FLNB: variants seen among roughly 807,000 people sequenced by gnomAD.
The protein encoded by FLNB is filamin-B.
A neutral mutation model predicts 250.6 loss-of-function variants in FLNB; 111 were observed. The observed-to-expected ratio is 0.44, with a 90% CI of 0.38 to 0.52. The LOEUF (loss-of-function observed/expected upper bound fraction) is 0.52. Among genes scored for constraint, FLNB ranks in the 20% least tolerant of loss-of-function variants. The pLI, the probability that FLNB is intolerant of heterozygous loss-of-function variation, is 0.00. For missense variants in FLNB, 2,869 were observed against 3,447.8 expected (o/e 0.83, Z 4.20); for synonymous variants, 1,302 against 1,372.1 (o/e 0.95, Z 1.13).
intron 1 of FLNB, among the ~76,000 whole-genome samples, chr3:58,041,016 T>A (rs1447027635): frequency 2.0e-5 from 3 of 152,164 alleles, no homozygotes; most frequent in Admixed American, 6.5e-5. Context: ...GTGTGCTAGG[T>A]GGCTTTTTAT....
Position 58,149,956 on chromosome 3 carries a change from T to C in FLNB, c.6198T>C (p.Pro2066=). Residue 2066 remains proline, a synonymous_variant, in exon 37 of 46, where the codon CCT becomes CCC. Transcript: ENST00000295956. The stretch of plus-strand genomic sequence containing the variant: ...AAGTCTCCTACTTCCCTACCGTGCC[T>C]GGGGTTTATATCGTCTCCACCAAAT... The part of the protein sequence containing the change: ...TCKVSYFPTV[P]GVYIVSTKFA... 1 of 1,614,220 alleles carries C rather than the reference T, an allele frequency of 6.2e-7. No individual in the cohort carries two copies. Among genetic ancestry groups the C allele is most frequent in the East Asian group, 2.2e-5 (1 of 44,880 alleles).
At chr3:58,113,105 G>C (rs556750996) in intron 18 of FLNB, among the ~76,000 whole-genome samples, 1 of 152,158 alleles carries the variant, frequency 6.6e-6, no homozygotes, top group Non-Finnish European at 1.5e-5. Context: ...AGTGTTAAGT[G>C]CATTCATTAT....
At chr3:58,130,285 T>C (rs997811677) in intron 24 of FLNB, among the ~76,000 whole-genome samples, 1 of 152,174 alleles carries the variant, frequency 6.6e-6, no homozygotes, top group African/African-American at 2.4e-5. Context: ...CCCTCGCCTC[T>C]AGGCTCCTGC....
intron 1 of FLNB, among the ~76,000 whole-genome samples, chr3:58,052,304 A>G (rs1263769085): frequency 6.6e-6 from 1 of 152,198 alleles, no homozygotes; most frequent in African/African-American, 2.4e-5. Context: ...TAGTACCACC[A>G]TATGAGGGGA....
intron 19 of FLNB, among the ~76,000 whole-genome samples, chr3:58,119,781 A>G (rs1053730472): frequency 3.3e-5 from 5 of 152,194 alleles, no homozygotes; most frequent in African/African-American, 7.2e-5. Context: ...AAAGTTTTCA[A>G]TTCAGTTTCT....
intron 4 of FLNB, among the ~76,000 whole-genome samples, chr3:58,085,067 A>G (rs2097215323): frequency 6.6e-6 from 1 of 152,198 alleles, no homozygotes; most frequent in Admixed American, 6.5e-5. Flanking sequence ...TTTTGCTTAT[A>G]CATTCGTCTG....
At chr3:58,046,846 G>A (rs1455198398) in intron 1 of FLNB, among the ~76,000 whole-genome samples, 1 of 152,084 alleles carries the variant, frequency 6.6e-6, no homozygotes, top group Non-Finnish European at 1.5e-5. Context: ...CTGTCTCTAT[G>A]GATCTGTCCA....
chr3:58,055,385 G>T (rs1010678144), intron 1 of FLNB, among the ~76,000 whole-genome samples: 6 of 152,174 alleles, frequency 3.9e-5, no homozygotes, highest in Non-Finnish European at 8.8e-5. Flanking sequence ...TGTATTTATG[G>T]CCTAAGAGGA....
At chr3:58,031,890 C>A (rs904575803) in intron 1 of FLNB, among the ~76,000 whole-genome samples, 23 of 151,498 alleles carry the variant, frequency 1.5e-4, no homozygotes, top group Non-Finnish European at 2.1e-4. Context: ...CTAAGCTTGA[C>A]CAGGGGAAGA....
intron 24 of FLNB, among the ~76,000 whole-genome samples, chr3:58,128,792 G>A (rs936007528): frequency 6.6e-6 from 1 of 152,142 alleles, no homozygotes; most frequent in Non-Finnish European, 1.5e-5. Context: ...CCCTGTGGCC[G>A]ACCTGTGAGC....
chr3:58,010,378 T>C (rs1373384667), intron 1 of FLNB, among the ~76,000 whole-genome samples: 1 of 152,176 alleles, frequency 6.6e-6, no homozygotes, highest in Non-Finnish European at 1.5e-5. Context: ...CCCACACCTG[T>C]CCTGGCAGGT....
chr3:58,044,809 C>T (rs2097151238), intron 1 of FLNB, among the ~76,000 whole-genome samples: 1 of 152,170 alleles, frequency 6.6e-6, no homozygotes, highest in African/African-American at 2.4e-5. Context: ...GCCCTTCCTT[C>T]CTGCAGAGGA....
chr3:58,121,105 C>T, intron 19 of FLNB, 136 bp from the exon 20 acceptor site: 1 of 1,075,460 alleles, frequency 9.3e-7, no homozygotes, highest in Non-Finnish European at 1.4e-6. Context: ...TGCTGCTTGT[C>T]CTCTGCAGCA....
chr3:58,146,144 C>T lies in FLNB; in HGVS notation c.5554+95C>T, dbSNP rs139706479. The T allele has an allele frequency of 4.8e-4, 626 of 1,313,204 alleles. 3 individuals carry two copies. Among genetic ancestry groups the T allele is most frequent in the South Asian group, 3.7e-3 (303 of 82,502 alleles). 81.3% of individuals were successfully genotyped at this position (1,313,204 alleles called of 1,614,324 possible). A position where few individuals can be genotyped will look rare whatever the true frequency, so the allele number is the denominator to read the frequency against. On this transcript the variant is annotated intron_variant, in intron 33 of 45. Transcript: ENST00000295956. ...GGGTGGCTTTTAAAAGTGAGACAAT[C>T]GAATGGTAGTATTTGTCTTGTCTTT...
intron 38 of FLNB, among the ~76,000 whole-genome samples, chr3:58,151,860 G>GCCTT (rs1413334561): frequency 6.6e-6 from 1 of 152,204 alleles, no homozygotes; most frequent in Non-Finnish European, 1.5e-5. Flanking sequence ...ATGCTGCCAT[G>GCCTT]CCTTGGCAGA....
chr3:58,048,212 C>T (rs1369343622), intron 1 of FLNB, among the ~76,000 whole-genome samples: 1 of 152,154 alleles, frequency 6.6e-6, no homozygotes, highest in Non-Finnish European at 1.5e-5. Flanking sequence ...CAAGAACAGC[C>T]CCCCTGCCTT....
intron 1 of FLNB, among the ~76,000 whole-genome samples, chr3:58,057,027 T>G (rs2097171665): frequency 6.6e-6 from 1 of 152,228 alleles, no homozygotes. Context: ...TTACCCAGGC[T>G]GGCGTGCAGT....
chr3:58,137,588 A>G (rs2097318607), intron 28 of FLNB, among the ~76,000 whole-genome samples: 1 of 152,144 alleles, frequency 6.6e-6, no homozygotes, highest in Non-Finnish European at 1.5e-5. Context: ...ATATCTACCA[A>G]TGTGCTTTTA....
chr3:58,108,502 C>G lies in FLNB; in HGVS notation c.1986C>G (p.Val662=), dbSNP rs747322935. ...GPGLEKSGCI[V]NNLAEFTVDP... ...GTTTGGAGAAATCTGGATGCATTGT[C>G]AACAACCTGGCCGAGTTCACTGTGG... The change falls in exon 13 of 46, where the codon GTC becomes GTG. Residue 662 remains valine (V), a synonymous_variant. Transcript: ENST00000295956. 1.9e-6 allele frequency: 3 copies of G among 1,614,114 alleles called. No homozygotes were observed. In the Admixed American group the frequency reaches 5.0e-5, roughly 27 times the overall value.
Sources: gnomAD v4.1 joint callset for allele counts (sites outside exome capture counted in the v4.1 genomes callset) on GRCh38, gnomAD v4.1.1 for gene constraint, MANE v1.5 for transcripts, NCBI Gene and HGNC (gene_info 2026-07-23, HGNC 2026-07-21) for gene names.